The following STARD13 variants were observed in gnomAD, a reference collection of about 807,000 sequenced individuals.
STARD13 encodes stAR-related lipid transfer protein 13.
In STARD13, 62 loss-of-function variants were observed where a neutral mutation model predicts 106.4. The observed-to-expected ratio is 0.58, with a 90% confidence interval of 0.48 to 0.72. The LOEUF is 0.72. STARD13 is among the 30% of genes least tolerant of loss of function. The probability of loss-of-function intolerance (pLI) is 0.00; values close to 1 mark genes in which losing one functional copy is unlikely to be tolerated. For synonymous variants in STARD13, 565 were observed against 553.0 expected (o/e 1.02, Z -0.31); for missense variants, 1,387 against 1,424.0 (o/e 0.97, Z 0.42).
chr13:33,568,019 T>C, the STARD13 span, among the ~76,000 whole-genome samples: 3 of 143,582 alleles, frequency 2.1e-5, no homozygotes, highest in African/African-American at 7.7e-5. Flanking sequence ...TGGATAATGG[T>C]ATTTAGGGAT....
At chr13:33,676,258 G>A in the STARD13 span, among the ~76,000 whole-genome samples, 1 of 152,120 alleles carries the variant, frequency 6.6e-6, no homozygotes, top group Non-Finnish European at 1.5e-5. Flanking sequence ...AAAGTCCTGC[G>A]GATCGGGACT....
chr13:33,114,096 A>C (rs1324329907), intron 8 of STARD13, among the ~76,000 whole-genome samples: 1 of 152,188 alleles, frequency 6.6e-6, no homozygotes, highest in East Asian at 1.9e-4. Context: ...TTACCCATTA[A>C]AAATACTGAT....
At chr13:33,212,664 C>T (rs778790760) in intron 1 of STARD13, among the ~76,000 whole-genome samples, 4 of 152,170 alleles carry the variant, frequency 2.6e-5, no homozygotes, top group Non-Finnish European at 4.4e-5. Context: ...ACTACATATG[C>T]CTCCAACTCA....
the STARD13 span, among the ~76,000 whole-genome samples, chr13:33,381,564 A>AC: frequency 2.0e-5 from 3 of 151,376 alleles, no homozygotes; most frequent in South Asian, 2.1e-4. Context: ...ACATGATGAA[A>AC]CCCCCCTCTC....
chr13:33,267,968 TA>T (rs1367147205), intron 1 of STARD13, among the ~76,000 whole-genome samples: 3 of 152,190 alleles, frequency 2.0e-5, no homozygotes, highest in Non-Finnish European at 4.4e-5. Context: ...AGTTTCCAGT[TA>T]ACTGTACTGT....
chr13:33,186,072 T>A (rs772573970), intron 1 of STARD13: 4 of 1,603,508 alleles, frequency 2.5e-6, no homozygotes. Context: ...TCCTCTCTCA[T>A]GTTTCCGGTT....
chr13:33,443,608 A>G, the STARD13 span, among the ~76,000 whole-genome samples: 1 of 152,016 alleles, frequency 6.6e-6, no homozygotes, highest in East Asian at 1.9e-4. Context: ...TGTCTCGGCC[A>G]TGTGTGGTGG....
the STARD13 span, among the ~76,000 whole-genome samples, chr13:33,572,703 A>C: frequency 6.6e-6 from 1 of 152,202 alleles, no homozygotes; most frequent in African/African-American, 2.4e-5. Flanking sequence ...CAACCATAAA[A>C]ATGTTCAGAG....
the STARD13 span, among the ~76,000 whole-genome samples, chr13:33,434,496 T>C: frequency 1.3e-5 from 2 of 152,116 alleles, no homozygotes; most frequent in Non-Finnish European, 2.9e-5. Flanking sequence ...ATACTTCCAA[T>C]GATATAGGGT....
intron 1 of STARD13, among the ~76,000 whole-genome samples, chr13:33,328,790 T>G (rs768270061): frequency 8.5e-5 from 13 of 152,230 alleles, no homozygotes; most frequent in Non-Finnish European, 1.6e-4. Flanking sequence ...TTCAGCATTG[T>G]TTCAGCTGGG....
chr13:33,519,214 TTCTTTC>T, the STARD13 span, among the ~76,000 whole-genome samples: 1 of 76,452 alleles, frequency 1.3e-5, no homozygotes, highest in Non-Finnish European at 2.8e-5. Flanking sequence ...AATTTTTTCT[TTCTTTC>T]TTTCTTTCTT....
the STARD13 span, among the ~76,000 whole-genome samples, chr13:33,562,362 T>C: frequency 6.8e-6 from 1 of 146,862 alleles, no homozygotes; most frequent in African/African-American, 2.5e-5. Context: ...TCCTCACATT[T>C]TTCTCTTTGC....
chr13:33,105,960 A>G (rs1873635090), intron 13 of STARD13, among the ~76,000 whole-genome samples: 1 of 152,256 alleles, frequency 6.6e-6, no homozygotes, highest in Non-Finnish European at 1.5e-5. Context: ...ATCTTGGGGT[A>G]AAATGAAAAG....
the STARD13 span, among the ~76,000 whole-genome samples, chr13:33,495,096 A>G: frequency 1.3e-5 from 2 of 152,204 alleles, no homozygotes; most frequent in Non-Finnish European, 2.9e-5. Flanking sequence ...TGTCAAGTAT[A>G]GTAATGCCAG....
chr13:33,293,347 T>C (rs986425467), intron 1 of STARD13, among the ~76,000 whole-genome samples: 2 of 152,214 alleles, frequency 1.3e-5, no homozygotes, highest in Admixed American at 1.3e-4. Flanking sequence ...AACAAATTGA[T>C]TGAATAAATA....
intron 3 of STARD13, among the ~76,000 whole-genome samples, chr13:33,142,974 C>T (rs988991450): frequency 6.6e-6 from 1 of 152,030 alleles, no homozygotes; most frequent in African/African-American, 2.4e-5. Context: ...AGCTCTGATC[C>T]CAGAGGATTA....
the STARD13 span, among the ~76,000 whole-genome samples, chr13:33,464,024 C>CATATATATATGTATAT: frequency 1.8e-5 from 2 of 112,540 alleles, no homozygotes; most frequent in Non-Finnish European, 4.0e-5. Context: ...AAAAAAAATA[C>CATATATATATGTATAT]ATATATATAT....
chr13:33,350,491 C>G (rs563291836), exon 1 of STARD13: 159 of 1,477,686 alleles, frequency 1.1e-4, no homozygotes, highest in Non-Finnish European at 1.4e-4. Context: ...CTCCCGGCGA[C>G]TGGAAAGGAC....
chr13:33,377,346 A>G, the STARD13 span, among the ~76,000 whole-genome samples: 3 of 152,200 alleles, frequency 2.0e-5, no homozygotes. Context: ...TTGAATGTGA[A>G]GAGACATCTG....
Sources: allele counts gnomAD v4.1 joint callset (sites outside exome capture counted in the v4.1 genomes callset), GRCh38; gene constraint gnomAD v4.1.1; transcripts MANE v1.5; gene names NCBI Gene and HGNC (gene_info 2026-07-23, HGNC 2026-07-21).